HPSE2: variants seen among roughly 807,000 people sequenced by gnomAD.
HPSE2 encodes inactive heparanase-2.
A neutral mutation model predicts 60.5 loss-of-function variants in HPSE2; 38 were observed. The ratio of observed to expected loss-of-function variants is 0.63; its 90% confidence interval spans 0.48 to 0.82. The LOEUF (loss-of-function observed/expected upper bound fraction) is 0.82. Ranked by LOEUF, HPSE2 falls within the 40% of genes least tolerant of loss-of-function variation. The pLI is 0.00. For missense variants in HPSE2, 713 were observed against 740.4 expected, an observed-to-expected ratio of 0.96 and a Z score of 0.43; for synonymous variants, 295 against 293.2, an observed-to-expected ratio of 1.01 and a Z score of -0.06.
At chr10:98,713,597 A>G (rs1298777860) in intron 5 of HPSE2, among the ~76,000 whole-genome samples, 2 of 152,052 alleles carry the variant, frequency 1.3e-5, no homozygotes, top group Admixed American at 6.6e-5. Flanking sequence ...AAAATTCTGC[A>G]TGCTAAATCC....
chr10:99,206,486 G>A (rs911400060), intron 2 of HPSE2, among the ~76,000 whole-genome samples: 4 of 151,668 alleles, frequency 2.6e-5, no homozygotes, highest in Non-Finnish European at 1.5e-5. Context: ...CAGCTACCTG[G>A]GAGGCTGAGG....
intron 5 of HPSE2, among the ~76,000 whole-genome samples, chr10:98,706,346 G>GCTTCCTCTCACAGACTTGAGC (rs1285307430): frequency 7.2e-5 from 11 of 152,164 alleles, no homozygotes; most frequent in Non-Finnish European, 1.5e-4. Flanking sequence ...TTGCTTGTTA[G>GCTTCCTCTCACAGACTTGAGC]CTTCCTCTCA....
the HPSE2 span, among the ~76,000 whole-genome samples, chr10:99,285,518 TA>T: frequency 7.1e-5 from 2 of 28,254 alleles, no homozygotes; most frequent in Non-Finnish European, 1.3e-4. Context: ...AGGGAAGGAG[TA>T]GGGTGGAGGG....
At chr10:99,272,069 G>C in the HPSE2 span, among the ~76,000 whole-genome samples, 6 of 152,100 alleles carry the variant, frequency 3.9e-5, no homozygotes, top group African/African-American at 1.4e-4. Context: ...TCAGGAGTTC[G>C]AGACCGGCCA....
intron 9 of HPSE2, among the ~76,000 whole-genome samples, chr10:98,505,496 C>G (rs1025124173): frequency 2.0e-5 from 3 of 152,156 alleles, no homozygotes; most frequent in African/African-American, 7.2e-5. Flanking sequence ...AACTATACTC[C>G]CTCCACCAGT....
chr10:99,207,670 A>T (rs887561555), intron 2 of HPSE2, among the ~76,000 whole-genome samples: 9 of 152,178 alleles, frequency 5.9e-5, no homozygotes, highest in Non-Finnish European at 1.2e-4. Context: ...TAACATGTGG[A>T]GGGAGTAGAG....
At chr10:99,285,071 A>G in the HPSE2 span, among the ~76,000 whole-genome samples, 8 of 152,212 alleles carry the variant, frequency 5.3e-5, no homozygotes, top group African/African-American at 1.9e-4. Context: ...TTTTAGAATC[A>G]GGGGCACATG....
intron 6 of HPSE2, among the ~76,000 whole-genome samples, chr10:98,685,916 T>C (rs1013022080): frequency 3.9e-5 from 6 of 152,238 alleles, no homozygotes; most frequent in Non-Finnish European, 8.8e-5. Flanking sequence ...AGAATTTATC[T>C]ACTTTGTCAA....
At chr10:98,526,180 G>C (rs986191811) in intron 9 of HPSE2, among the ~76,000 whole-genome samples, 1 of 152,196 alleles carries the variant, frequency 6.6e-6, no homozygotes, top group African/African-American at 2.4e-5. Context: ...GTGGGCGGAA[G>C]GTATAGAAGA....
chr10:98,470,102 GGTGTGTGT>G (rs55762346), intron 11 of HPSE2, among the ~76,000 whole-genome samples: 28 of 150,374 alleles, frequency 1.9e-4, no homozygotes, highest in African/African-American at 3.9e-4. Flanking sequence ...TAGGAAGGCA[GGTGTGTGT>G]GTGTGTGTGT....
intron 9 of HPSE2, among the ~76,000 whole-genome samples, chr10:98,514,422 A>T (rs1942522208): frequency 6.6e-6 from 1 of 152,138 alleles, no homozygotes; most frequent in African/African-American, 2.4e-5. Context: ...AAAACAGCAA[A>T]TTTTATGTTA....
intron 1 of HPSE2, among the ~76,000 whole-genome samples, chr10:99,233,296 C>T (rs911741843): frequency 2.6e-5 from 4 of 152,164 alleles, no homozygotes; most frequent in African/African-American, 7.2e-5. Flanking sequence ...GTAACATCCT[C>T]CTCCCCACCC....
intron 5 of HPSE2, among the ~76,000 whole-genome samples, chr10:98,698,161 C>G (rs1345983062): frequency 7.1e-6 from 1 of 141,666 alleles, no homozygotes; most frequent in East Asian, 2.1e-4. Context: ...CTACAGAACT[C>G]TCCACCCCAA....
chr10:99,254,068 C>T, the HPSE2 span, among the ~76,000 whole-genome samples: 1 of 152,170 alleles, frequency 6.6e-6, no homozygotes, highest in African/African-American at 2.4e-5. Context: ...ACTGGGTATA[C>T]ATCCAGAGAA....
At chr10:98,597,186 G>A (rs1945262957) in intron 9 of HPSE2, among the ~76,000 whole-genome samples, 1 of 152,078 alleles carries the variant, frequency 6.6e-6, no homozygotes, top group African/African-American at 2.4e-5. Flanking sequence ...GGGATTACGG[G>A]AACTACAATT....
At chr10:98,464,990 T>G (rs1022612116) in intron 11 of HPSE2, among the ~76,000 whole-genome samples, 1 of 152,232 alleles carries the variant, frequency 6.6e-6, no homozygotes, top group Non-Finnish European at 1.5e-5. Flanking sequence ...GAGCATAAGT[T>G]AATTTTGTGA....
intron 2 of HPSE2, among the ~76,000 whole-genome samples, chr10:99,184,786 TTATATATATATA>T (rs1191226144): frequency 1.2e-3 from 30 of 25,278 alleles, no homozygotes; most frequent in African/African-American, 3.8e-3. Flanking sequence ...CTATCCAAAA[TTATATATATATA>T]TATATATATA....
intron 2 of HPSE2, among the ~76,000 whole-genome samples, chr10:99,178,503 T>A (rs1243111064): frequency 8.0e-6 from 1 of 124,792 alleles, no homozygotes; most frequent in Non-Finnish European, 1.9e-5. Flanking sequence ...TCTACGCAAA[T>A]AAACTAGAAA....
intron 3 of HPSE2, among the ~76,000 whole-genome samples, chr10:98,801,152 A>G (rs1311596153): frequency 6.6e-6 from 1 of 152,244 alleles, no homozygotes; most frequent in African/African-American, 2.4e-5. Flanking sequence ...ATTTGATTAC[A>G]TTTAACATCC....
Sources: allele counts gnomAD v4.1 joint callset (sites outside exome capture counted in the v4.1 genomes callset), GRCh38; gene constraint gnomAD v4.1.1; transcripts MANE v1.5; gene names NCBI Gene and HGNC (gene_info 2026-07-23, HGNC 2026-07-21).